The following GPR162 variants were observed in gnomAD, a reference collection of about 807,000 sequenced individuals.
GPR162 encodes the protein probable G protein-coupled receptor 162.
Under a neutral mutation model 44.9 loss-of-function variants are expected in GPR162, and 26 were observed. The ratio of observed to expected loss-of-function variants is 0.58; its 90% CI spans 0.42 to 0.80. The LOEUF is 0.80. GPR162 is among the 30% of genes least tolerant of loss of function. The pLI, the probability that GPR162 is intolerant of heterozygous loss-of-function variation, is 0.00. For missense variants in GPR162, 704 were observed against 802.3 expected, an observed-to-expected ratio of 0.88 and a Z score of 1.48; for synonymous variants, 363 against 335.2, an observed-to-expected ratio of 1.08 and a Z score of -0.91.
chr12:6,826,277 G>A lies in GPR162; in HGVS notation c.1139G>A (p.Arg380Gln), dbSNP rs150865844. 3.8e-5 allele frequency: 62 copies of A among 1,613,826 alleles called. No individual in the cohort carries two copies. The highest frequency in any genetic ancestry group is 3.3e-4 in the African/African-American group (25 of 74,904). The part of the protein sequence containing the change: ...DANGATGPGS[R>Q]DPAQVKLLPG... ...AACGGAGCCACAGGACCAGGGAGCC[G>A]GGACCCCGCCCAGGTGAAGCTGCTG... Residue 380 changes from arginine to glutamine, a missense_variant, in exon 4 of 5, where the codon CGG becomes CAG. Physicochemically the swap from Arg to Gln is conservative, Grantham distance 43. Transcript: ENST00000311268.
Position 6,826,232 on chromosome 12 carries a change from G to A in GPR162, c.1094G>A (p.Cys365Tyr). 2 of 1,614,054 alleles carry A rather than the reference G, an allele frequency of 1.2e-6. No individual in the cohort carries two copies. Among genetic ancestry groups the A allele is most frequent in the Non-Finnish European group, 1.7e-6 (2 of 1,179,960 alleles). Residue 365 changes from cysteine (C) to tyrosine (Y), a missense_variant, in exon 4 of 5, where the codon TGC becomes TAC. By Grantham distance (194) the Cys-to-Tyr change is radical (BLOSUM62 -2). Coordinates refer to ENST00000311268, the MANE Select transcript of GPR162 (RefSeq NM_019858.2). ...GCDDYAEGRV[C>Y]KVRFDANGAT... ...GACGACTATGCAGAGGGCCGAGTTT[G>A]CAAAGTTCGCTTTGATGCTAACGGA...
chr12:6,826,653 G>A lies in GPR162; in HGVS notation c.1216G>A (p.Val406Ile). The change falls in exon 5 of 5, where the codon GTC (valine) becomes ATC (isoleucine). Residue 406 changes from valine to isoleucine, a missense_variant and splice_region_variant. Around this residue, in one of 6 missense-constraint regions of GPR162, gnomAD observed 404 missense variants for 314.1 expected, o/e 1.29. Transcript: ENST00000311268. ...AGGTCTTACCCGCTCCTCTTCCCAG[G>A]TCCCCCTATCCCGGCGTCTGTCCCA... Reference protein sequence around the residue: ...PPLERVHYLQVPLSRRLSHDE... With the variant: ...PPLERVHYLQIPLSRRLSHDE... The A allele has an allele frequency of 2.0e-6, 3 of 1,518,478 alleles. No individual in the cohort carries two copies. Among genetic ancestry groups the A allele is most frequent in the Non-Finnish European group, 2.6e-6 (3 of 1,135,284 alleles). 94.1% of individuals were successfully genotyped at this position (1,518,478 alleles called of 1,614,324 possible).
chr12:6,826,051 G>A (rs1943349999), intron 3 of GPR162, 145 bp from the exon 4 acceptor site: 2 of 654,060 alleles, frequency 3.1e-6, no homozygotes, highest in Non-Finnish European at 5.3e-6. Flanking sequence ...ACTGAACGCA[G>A]CAAATGCTAG....
chr12:6,824,590 G>GTACCC lies in GPR162; in HGVS notation c.692_693insTACCC (p.Ala232ThrfsTer62). 6.2e-7 allele frequency: 1 copy of GTACCC among 1,609,122 alleles called. No individual in the cohort carries two copies. The highest frequency in any genetic ancestry group is 8.5e-7 in the Non-Finnish European group (1 of 1,177,248). ...GGGGGGACCAAAGCGGGTGGGCCAG[G>GTACCC]GGCCTTGGGTACCCGGCCAGCTTTT... On this transcript the variant is annotated frameshift_variant, in exon 2 of 5. Transcript: ENST00000311268. LOFTEE classifies it high-confidence loss of function.
intron 2 of GPR162, chr12:6,824,972 C>T (rs1277539741): frequency 1.4e-6 from 1 of 700,266 alleles, no homozygotes; most frequent in Non-Finnish European, 2.6e-6. Context: ...CCTGTTTACC[C>T]CAGCTCCAGC....
Position 6,824,323 on chromosome 12 carries a change from G to C in GPR162, c.425G>C (p.Trp142Ser). ...KQALHAVMGI[W>S]MVSFILSTLP... is the part of the protein sequence containing the mutation. ...GCACTGCATGCCGTCATGGGCATCT[G>C]GATGGTCAGCTTCATCCTCTCCACA... The change falls in exon 2 of 5, where the codon TGG becomes TCG. Residue 142 changes from tryptophan to serine, a missense_variant. By Grantham distance (177) the Trp-to-Ser change is radical. Coordinates refer to ENST00000311268, the MANE Select transcript of GPR162 (RefSeq NM_019858.2). 1 of 1,614,046 alleles carries C rather than the reference G, an allele frequency of 6.2e-7. No individual in the cohort carries two copies. The highest frequency in any genetic ancestry group is 8.5e-7 in the Non-Finnish European group (1 of 1,179,988).
chr12:6,825,376 G>C, intron 2 of GPR162, 108 bp from the exon 3 acceptor site: 1 of 668,134 alleles, frequency 1.5e-6, no homozygotes, highest in Non-Finnish European at 2.6e-6. Flanking sequence ...GGAGCACAGG[G>C]ATCAGGCATT....
In GPR162 at chr12:6,822,257, G is replaced by A. The variant is rs190858484; in HGVS notation, c.-432+357G>A. 4.0e-3 allele frequency among the ~76,000 whole-genome samples: 610 copies of A among 152,248 alleles called. 5 individuals are homozygous for A. Among genetic ancestry groups the A allele is most frequent in the African/African-American group, 0.012 (490 of 41,540 alleles). ...GCCTGGGTGGAGGTGGGTGGGAAGGGGTCCAGGGCTGTAGGAGAGGACACT... is the reference window on the plus strand; with the variant it reads ...GCCTGGGTGGAGGTGGGTGGGAAGGAGTCCAGGGCTGTAGGAGAGGACACT... On this transcript the variant is annotated intron_variant, in intron 1 of 4. Transcript: ENST00000311268. The surrounding 1 kb of genome is among the most constrained non-coding windows in gnomAD (Gnocchi z 4.2).
rs137992743 is a variant in GPR162, at chr12:6,825,516, G to T, written c.900G>T (p.Ser300=). Residue 300 remains serine, a synonymous_variant, in exon 3 of 5, where the codon TCG becomes TCT. Coordinates refer to ENST00000311268, the MANE Select transcript of GPR162 (RefSeq NM_019858.2). ...GCTTCTTCTCCCTCAAGTCGGACTCGGCGCCCCCCTGGATGGTGCTGGCTG... is the reference window on the plus strand; with the variant it reads ...GCTTCTTCTCCCTCAAGTCGGACTCTGCGCCCCCCTGGATGGTGCTGGCTG... ...VVSFFSLKSD[S]APPWMVLAVL... 2.5e-6 allele frequency: 4 copies of T among 1,611,154 alleles called. No individual in the cohort carries two copies. Among genetic ancestry groups the T allele is most frequent in the Non-Finnish European group, 2.5e-6 (3 of 1,179,212 alleles).
Position 6,824,562 on chromosome 12 carries a change from G to T in GPR162, c.664G>T (p.Gly222Cys), listed in dbSNP as rs782188250. 2 of 1,604,386 alleles carry T rather than the reference G, an allele frequency of 1.2e-6. No homozygotes were observed. Among genetic ancestry groups the T allele is most frequent in the South Asian group, 2.2e-5 (2 of 89,742 alleles). ...RARQARRVGG[G>C]GGTKAGGPGA... ...TCGGCAGGCCCGGAGAGTGGGGGGT[G>T]GTGGGGGGACCAAAGCGGGTGGGCC... The change falls in exon 2 of 5, where the codon GGT becomes TGT. Residue 222 changes from glycine (G) to cysteine (C), a missense_variant. This residue lies in a region of GPR162 where 56 missense variants were observed against 47.2 expected (regional missense o/e 1.19). Transcript: ENST00000311268.
At position 6,824,590 on chromosome 12, in the gene GPR162, G is replaced by A. The variant is rs781908850; in HGVS notation, c.692G>A (p.Gly231Glu). The A allele has an allele frequency of 1.2e-5, 19 of 1,609,004 alleles. No individual in the cohort carries two copies. The highest frequency in any genetic ancestry group is 1.5e-5 in the Non-Finnish European group (18 of 1,177,256). Residue 231 changes from glycine (G) to glutamate (E), a missense_variant, in exon 2 of 5, where the codon GGG becomes GAG. Coordinates refer to ENST00000311268, the MANE Select transcript of GPR162 (RefSeq NM_019858.2). ...GGGGGGACCAAAGCGGGTGGGCCAG[G>A]GGCCTTGGGTACCCGGCCAGCTTTT... ...GGGGTKAGGP[G>E]ALGTRPAFEV... is the part of the protein sequence containing the mutation.
In GPR162 at chr12:6,824,309, C is replaced by A. The variant is rs146153056; in HGVS notation, c.411C>A (p.Ala137=). 7 of 1,614,036 alleles carry A rather than the reference C, an allele frequency of 4.3e-6. No homozygotes were observed. The South Asian group carries it at 6.6e-5, about 15-fold the overall frequency. The change falls in exon 2 of 5, where the codon GCC becomes GCA. Residue 137 remains alanine, a synonymous_variant. Coordinates refer to ENST00000311268, the MANE Select transcript of GPR162 (RefSeq NM_019858.2). ...LSNAKKQALH[A]VMGIWMVSFI... is the part of the protein sequence containing the mutation. ...ACGCCAAGAAGCAGGCACTGCATGC[C>A]GTCATGGGCATCTGGATGGTCAGCT...
chr12:6,823,046 G>A, intron 1 of GPR162, among the ~76,000 whole-genome samples: 1 of 152,242 alleles, frequency 6.6e-6, no homozygotes, highest in East Asian at 1.9e-4. Flanking sequence ...CCGGCAGGTA[G>A]GGGAGGAAGG....
Position 6,823,741 on chromosome 12 carries a change from A to G in GPR162, c.-158A>G. On this transcript the variant is annotated 5_prime_UTR_variant, in exon 2 of 5. Coordinates refer to ENST00000311268, the MANE Select transcript of GPR162 (RefSeq NM_019858.2). ...TCTACATCTGCCCTCAGCTGGGTCC[A>G]TCATGCAATGCTGAGCACTGGGGTG... The G allele has an allele frequency of 6.2e-7, 1 of 1,612,498 alleles. No individual in the cohort carries two copies. The highest frequency in any genetic ancestry group is 8.5e-7 in the Non-Finnish European group (1 of 1,178,984).
rs1268152389 is a variant in GPR162 at position 6,827,405 on chromosome 12, A to G, written c.*201A>G. 5.1e-6 allele frequency: 3 copies of G among 583,122 alleles called. No homozygotes were observed. The highest frequency in any genetic ancestry group is 3.0e-6 in the Non-Finnish European group (1 of 329,526). 36.1% of individuals were successfully genotyped at this position (583,122 alleles called of 1,614,324 possible). ...CCCTAGCAATATGTATTAAAGTCTG[A>G]AGTGTTGCCATGGAAACCTCAGTGT... On this transcript the variant is annotated 3_prime_UTR_variant, in exon 5 of 5. Transcript: ENST00000311268.
In GPR162 at chr12:6,826,868, C is replaced by G; in HGVS notation, c.1431C>G (p.Ala477=). Residue 477 remains alanine (A), a synonymous_variant, in exon 5 of 5, where the codon GCC becomes GCG. Transcript: ENST00000311268. ...AAGAGGCTGAAGGTGGGGGGCTGGCCAGCCTTCGCCAATTCTTGGAGAGTG... is the reference window on the plus strand; with the variant it reads ...AAGAGGCTGAAGGTGGGGGGCTGGCGAGCCTTCGCCAATTCTTGGAGAGTG... The part of the protein sequence containing the change: ...DEEEAEGGGL[A]SLRQFLESGV... 1 of 1,612,924 alleles carries G rather than the reference C, an allele frequency of 6.2e-7. No individual in the cohort carries two copies. The highest frequency in any genetic ancestry group is 8.5e-7 in the Non-Finnish European group (1 of 1,179,520).
rs1555119683 is a variant in GPR162, at chr12:6,824,535, G to T, written c.637G>T (p.Ala213Ser). The stretch of plus-strand genomic sequence containing the variant: ...GACACTGTGGGCCCGGCCCCGGAGG[G>T]CTCGGCAGGCCCGGAGAGTGGGGGG... The part of the protein sequence containing the change: ...YQTLWARPRR[A>S]RQARRVGGGG... Residue 213 changes from alanine to serine, a missense_variant, in exon 2 of 5, where the codon GCT (alanine) becomes TCT (serine). Transcript: ENST00000311268. 1 of 1,608,540 alleles carries T rather than the reference G, an allele frequency of 6.2e-7. No individual in the cohort carries two copies. The highest frequency in any genetic ancestry group is 8.5e-7 in the Non-Finnish European group (1 of 1,176,676).
intron 3 of GPR162, 124 bp downstream of exon 3, chr12:6,825,797 C>T (rs1173423934): frequency 1.1e-5 from 9 of 786,670 alleles, no homozygotes; most frequent in Non-Finnish European, 1.8e-5. Flanking sequence ...CTGCACCACC[C>T]TGGGCTCCCC....
In GPR162 at chr12:6,826,820, G is replaced by T. The variant is rs1555120242; in HGVS notation, c.1383G>T (p.Arg461Ser). 1.2e-6 allele frequency: 2 copies of T among 1,610,434 alleles called. No individual in the cohort carries two copies. Among genetic ancestry groups the T allele is most frequent in the South Asian group, 1.1e-5 (1 of 90,548 alleles). The change falls in exon 5 of 5, where the codon AGG (arginine) becomes AGT (serine). Residue 461 changes from arginine to serine, a missense_variant. This residue lies in a region of GPR162 where 404 missense variants were observed against 314.1 expected (regional missense o/e 1.29). Transcript: ENST00000311268. ...CTGAGTACCTGGGACAAAGACACAG[G>T]TTGGAGGACGAGGAGGACGAGGAAG... ...GPPEYLGQRH[R>S]LEDEEDEEEA...
Sources: allele counts gnomAD v4.1 joint callset (sites outside exome capture counted in the v4.1 genomes callset), GRCh38; gene constraint gnomAD v4.1.1; regional missense constraint gnomAD v4.1.1; non-coding constraint Gnocchi (gnomAD v3.1); transcripts MANE v1.5; gene names NCBI Gene and HGNC (gene_info 2026-07-23, HGNC 2026-07-21).